DEFB110: variants seen among roughly 807,000 people sequenced by gnomAD.
DEFB110 encodes the protein defensin beta 110.
Under a neutral mutation model 2.5 loss-of-function variants are expected in DEFB110, and 4 were observed. That is an observed-to-expected ratio of 1.60 (90% confidence interval 0.79 to 3.66). The LOEUF is 3.66. Among genes scored for constraint, DEFB110 ranks in the 30% most tolerant of loss-of-function variants. DEFB110 has a pLI of 0.01. For synonymous variants in DEFB110, 29 were observed against 21.8 expected, an observed-to-expected ratio of 1.33 and a Z score of -0.92; for missense variants, 94 against 75.4, an observed-to-expected ratio of 1.25 and a Z score of -0.91.
At chr6:50,017,707 G>GA (rs200364325), downstream of DEFB110, among the ~76,000 whole-genome samples, 1 of 151,112 alleles carries the variant, frequency 6.6e-6, no homozygotes, top group Admixed American at 6.6e-5. Context: ...TCTGAGTGGA[G>GA]AAAAAAAAAT....
At chr6:50,009,254 G>C in exon 2 of DEFB110, 1 of 1,596,618 alleles carries the variant, frequency 6.3e-7, no homozygotes, top group Non-Finnish European at 8.5e-7. Flanking sequence ...CTATACTTTG[G>C]TTCAAAATTG....
rs990279246 is a variant in DEFB110 at position 50,011,188 on chromosome 6, GAT to G, written c.56-1919_56-1918del. On this transcript the variant is annotated intron_variant, in intron 1 of 1. Transcript: ENST00000393660. ...TTTATAATACATATAGATAAATATT[GAT>G]ATATATATATCAATATATAAAAACA... Among the ~76,000 whole-genome samples the G allele has an allele frequency of 8.6e-4, 129 of 150,542 alleles. No homozygotes were observed. The Middle Eastern group carries it at 0.01, about 12-fold the overall frequency.
At chr6:50,012,719 T>G (rs1008491836) in intron 1 of DEFB110, among the ~76,000 whole-genome samples, 3 of 151,966 alleles carry the variant, frequency 2.0e-5, no homozygotes, top group Non-Finnish European at 4.4e-5. Context: ...TTTCTCTACT[T>G]TTACTGTTAA....
At chr6:50,014,480 A>G (rs1337859722), downstream of DEFB110, among the ~76,000 whole-genome samples, 1 of 151,860 alleles carries the variant, frequency 6.6e-6, no homozygotes, top group Non-Finnish European at 1.5e-5. Flanking sequence ...AATTAGAACC[A>G]TATAAGGTTG....
In DEFB110 at chr6:50,013,502, T is replaced by C. The variant is rs1774266320; in HGVS notation, c.56-4231A>G. 2.0e-5 allele frequency among the ~76,000 whole-genome samples: 3 copies of C among 151,786 alleles called. No homozygotes were observed. In the Admixed American group the frequency reaches 2.0e-4, roughly 10 times the overall value. Reference sequence around the variant, plus strand: ...CTAAGGAGTTGAATATTATCATGAATGGAGTGGTAAAACTGATGATATTTT... The same window carrying C: ...CTAAGGAGTTGAATATTATCATGAACGGAGTGGTAAAACTGATGATATTTT... On this transcript the variant is annotated intron_variant, in intron 1 of 1. Coordinates refer to the DEFB110 transcript ENST00000393660.
chr6:50,013,102 G>A (rs113784674), intron 1 of DEFB110, among the ~76,000 whole-genome samples: 1 of 151,626 alleles, frequency 6.6e-6, no homozygotes, highest in Non-Finnish European at 1.5e-5. Flanking sequence ...ATTCATTTTT[G>A]GATTTATTAC....
At chr6:50,013,087 G>T (rs907965723) in intron 1 of DEFB110, among the ~76,000 whole-genome samples, 6 of 151,804 alleles carry the variant, frequency 4.0e-5, no homozygotes, top group African/African-American at 1.4e-4. Flanking sequence ...TTCTAAGCCA[G>T]TTATATTCAT....
At chr6:50,015,672 C>T (rs535429791), downstream of DEFB110, among the ~76,000 whole-genome samples, 1,160 of 151,818 alleles carry the variant, frequency 7.6e-3, 17 homozygotes, top group African/African-American at 0.027. Flanking sequence ...TTGCTTATTT[C>T]TATTATTTAC....
At chr6:50,014,083 A>G (rs1337616379), downstream of DEFB110, among the ~76,000 whole-genome samples, 3 of 151,914 alleles carry the variant, frequency 2.0e-5, no homozygotes, top group African/African-American at 7.2e-5. Context: ...AGGAAAAGGG[A>G]TTCAGAGACA....
At chr6:50,020,057 T>C (rs1337039584) in intron 1 of DEFB110, among the ~76,000 whole-genome samples, 2 of 152,140 alleles carry the variant, frequency 1.3e-5, no homozygotes, top group African/African-American at 2.4e-5. Flanking sequence ...TATATTTTCT[T>C]ATCAATCATG....
chr6:50,019,174 T>A (rs956553260), intron 1 of DEFB110, 49 bp from the exon 2 acceptor site: 1 of 1,567,436 alleles, frequency 6.4e-7, no homozygotes, highest in African/African-American at 1.4e-5. Context: ...CTATGACACA[T>A]CCATGTTTTA....
intron 1 of DEFB110, among the ~76,000 whole-genome samples, 198 bp downstream of exon 1, chr6:50,021,683 A>G (rs1038548225): frequency 2.0e-5 from 3 of 152,198 alleles, no homozygotes; most frequent in African/African-American, 7.2e-5. Flanking sequence ...AGATTTTGCC[A>G]GTTTTCATAC....
At chr6:50,017,858 A>T (rs567246207), downstream of DEFB110, among the ~76,000 whole-genome samples, 1 of 151,968 alleles carries the variant, frequency 6.6e-6, no homozygotes, top group South Asian at 2.1e-4. Context: ...GAATTTTTTG[A>T]TTTACCATCT....
Position 50,019,088 on chromosome 6 carries a change from C to T in DEFB110, c.93G>A (p.Leu31=). The T allele has an allele frequency of 1.9e-6, 3 of 1,613,060 alleles. No individual in the cohort carries two copies. The highest frequency in any genetic ancestry group is 2.5e-6 in the Non-Finnish European group (3 of 1,179,330). The change falls in exon 2 of 2, where the codon TTG becomes TTA. Residue 31 remains leucine, a synonymous_variant. Coordinates refer to ENST00000371148, the MANE Select transcript of DEFB110 (RefSeq NM_001037497.2). ...CATTACCTATTCTGCACTCTCTCCT[C>T]AAGTCCAAGCTACCATACTCAGGAT... ...KKYPEYGSLD[L]RRECRIGNGQ...
intron 1 of DEFB110, among the ~76,000 whole-genome samples, chr6:50,011,447 G>T (rs575653013): frequency 6.6e-6 from 1 of 152,018 alleles, no homozygotes; most frequent in Non-Finnish European, 1.5e-5. Context: ...TGGGGCCTTA[G>T]TCAGGAGAAT....
At chr6:50,021,796 T>A in intron 1 of DEFB110, 85 bp downstream of exon 1, 1 of 1,275,608 alleles carries the variant, frequency 7.8e-7, no homozygotes, top group Non-Finnish European at 1.1e-6. Context: ...TTAATCCCTA[T>A]GTTATTATCA....
chr6:50,016,667 GT>G (rs1774322026), downstream of DEFB110, among the ~76,000 whole-genome samples: 2 of 151,346 alleles, frequency 1.3e-5, no homozygotes, highest in South Asian at 4.2e-4. Context: ...CATCAAAAGG[GT>G]TTCTAGAGTT....
At chr6:50,019,484 T>G (rs1561992595) in intron 1 of DEFB110, among the ~76,000 whole-genome samples, 2 of 152,096 alleles carry the variant, frequency 1.3e-5, no homozygotes, top group Non-Finnish European at 2.9e-5. Flanking sequence ...CTAACATTAT[T>G]TAGACTGAAT....
At chr6:50,021,373 C>T (rs1774415978) in intron 1 of DEFB110, among the ~76,000 whole-genome samples, 1 of 152,110 alleles carries the variant, frequency 6.6e-6, no homozygotes, top group Admixed American at 6.6e-5. Flanking sequence ...AAATTCACTC[C>T]TCTCTGAGAA....
Sources: gnomAD v4.1 joint callset for allele counts (sites outside exome capture counted in the v4.1 genomes callset) on GRCh38, gnomAD v4.1.1 for gene constraint, MANE v1.5 for transcripts, NCBI Gene and HGNC (gene_info 2026-07-23, HGNC 2026-07-21) for gene names.